CADPS: variants seen among roughly 807,000 people sequenced by gnomAD.
CADPS encodes the protein calcium-dependent secretion activator 1.
In CADPS, 57 loss-of-function variants were observed where a neutral mutation model predicts 167.3. That is an observed-to-expected ratio of 0.34 (90% CI 0.28 to 0.42). CADPS has a LOEUF of 0.42. Among genes scored for constraint, CADPS ranks in the 20% least tolerant of loss-of-function variants. The pLI is 1.00. For missense variants in CADPS, 1,414 were observed against 1,738.1 expected, an observed-to-expected ratio of 0.81 and a Z score of 3.32; for synonymous variants, 676 against 635.3, an observed-to-expected ratio of 1.06 and a Z score of -0.96.
intron 28 of CADPS, among the ~76,000 whole-genome samples, chr3:62,426,992 G>A (rs370060111): frequency 8.6e-5 from 13 of 151,226 alleles, no homozygotes; most frequent in African/African-American, 2.2e-4. Context: ...GGAGAATGGC[G>A]TGAACACAGG....
intron 3 of CADPS, among the ~76,000 whole-genome samples, chr3:62,733,902 C>T (rs1455256118): frequency 6.6e-6 from 1 of 152,132 alleles, no homozygotes; most frequent in East Asian, 1.9e-4. Flanking sequence ...CCTTTGCATC[C>T]TCACAGCTTA....
At chr3:62,865,829 A>G (rs987439) in intron 1 of CADPS, among the ~76,000 whole-genome samples, 3,506 of 152,230 alleles carry the variant, frequency 0.023, 73 homozygotes, top group South Asian at 0.074. Flanking sequence ...GGCAGCTTAC[A>G]ATAAAATAAC....
intron 7 of CADPS, among the ~76,000 whole-genome samples, chr3:62,589,002 G>C (rs12489471): frequency 0.68 from 104,057 of 152,004 alleles, 36,461 homozygotes; most frequent in East Asian, 0.95. Flanking sequence ...GGGATACGAG[G>C]GTGAGATAGA....
chr3:62,778,840 G>C (rs1238178832), intron 1 of CADPS, among the ~76,000 whole-genome samples: 2 of 152,074 alleles, frequency 1.3e-5, no homozygotes, highest in African/African-American at 4.8e-5. Flanking sequence ...TCTTTAGTAT[G>C]AGTTAAATAT....
intron 1 of CADPS, among the ~76,000 whole-genome samples, chr3:62,805,426 G>T (rs73102732): frequency 2.6e-5 from 4 of 152,052 alleles, no homozygotes; most frequent in African/African-American, 9.7e-5. Context: ...AAGCACTAAG[G>T]GATTGGTCTG....
At chr3:62,629,757 G>GTTTTTTTTGT (rs2064896011) in intron 6 of CADPS, among the ~76,000 whole-genome samples, 2 of 145,758 alleles carry the variant, frequency 1.4e-5, no homozygotes, top group South Asian at 4.4e-4. Flanking sequence ...CTCTGGTACA[G>GTTTTTTTTGT]TTTTTTTTTT....
chr3:62,458,557 C>G lies in CADPS; in HGVS notation c.3636+6810G>C, dbSNP rs2058970497. 6.6e-6 allele frequency among the ~76,000 whole-genome samples: 1 copy of G among 152,080 alleles called. No individual in the cohort carries two copies. The highest frequency in any genetic ancestry group is 2.4e-5 in the African/African-American group (1 of 41,402). ...AGGCTGGAGTGAAGTGGCACGATTT[C>G]AGCTCACTACAACCTCCGCCTCCCG... is the stretch of plus-strand genomic sequence containing the variant. On this transcript the variant is annotated intron_variant, in intron 26 of 29. Coordinates refer to ENST00000383710, the MANE Select transcript of CADPS (RefSeq NM_003716.4). The surrounding 1 kb of genome is among the most constrained non-coding windows in gnomAD (Gnocchi z 4.6).
In CADPS at chr3:62,731,011, C is replaced by T. The variant is rs149649967; in HGVS notation, c.888+22430G>A. Among the ~76,000 whole-genome samples, 312 of 152,308 alleles carry T rather than the reference C, an allele frequency of 2.0e-3. 1 individual carries two copies. Among genetic ancestry groups the T allele is most frequent in the African/African-American group, 7.2e-3 (300 of 41,572 alleles). ...CAAGGTGACATGATTAGAGATATAA[C>T]TATGACCAGAAACAAGACATGCTCA... On this transcript the variant is annotated intron_variant, in intron 3 of 29. Coordinates refer to ENST00000383710, the MANE Select transcript of CADPS (RefSeq NM_003716.4).
At chr3:62,780,226 G>A (rs1303926023) in intron 1 of CADPS, among the ~76,000 whole-genome samples, 1 of 151,982 alleles carries the variant, frequency 6.6e-6, no homozygotes, top group African/African-American at 2.4e-5. Context: ...ATACAGCCTG[G>A]GCAACATAGC....
chr3:62,770,081 A>G (rs955365424), intron 1 of CADPS, among the ~76,000 whole-genome samples: 5 of 152,162 alleles, frequency 3.3e-5, no homozygotes, highest in African/African-American at 1.2e-4. Context: ...GGTCTCCAGC[A>G]CACTGGTGTC....
chr3:62,804,641 C>T (rs568531382), intron 1 of CADPS, among the ~76,000 whole-genome samples: 6 of 152,082 alleles, frequency 3.9e-5, no homozygotes, highest in Admixed American at 6.6e-5. Context: ...CGATTTGAAA[C>T]ACCCCGAGAA....
At position 62,754,000 on chromosome 3, in the gene CADPS, A is replaced by G. The variant is rs1408503256; in HGVS notation, c.556-227T>C. 1.3e-5 allele frequency among the ~76,000 whole-genome samples: 2 copies of G among 152,106 alleles called. No individual in the cohort carries two copies. The highest frequency in any genetic ancestry group is 2.9e-5 in the Non-Finnish European group (2 of 68,022). On this transcript the variant is annotated intron_variant, in intron 2 of 29. Transcript: ENST00000383710. This position sits in a 1 kb window ranked among gnomAD's most constrained non-coding sequence, Gnocchi z 4.6. ...GATGAGAATAACAATTGTACTTACCAGGTTGGTGCAAGGATTAAATGAGAT... is the reference window on the plus strand; with the variant it reads ...GATGAGAATAACAATTGTACTTACCGGGTTGGTGCAAGGATTAAATGAGAT...
chr3:62,846,421 C>T (rs1216402398), intron 1 of CADPS, among the ~76,000 whole-genome samples: 1 of 152,086 alleles, frequency 6.6e-6, no homozygotes, highest in African/African-American at 2.4e-5. Flanking sequence ...CCTATTCGTT[C>T]TTTAGGGCTT....
chr3:62,621,322 G>A (rs972250556), intron 6 of CADPS, among the ~76,000 whole-genome samples: 2 of 151,994 alleles, frequency 1.3e-5, no homozygotes, highest in Non-Finnish European at 1.5e-5. Context: ...GTTGAGTTGC[G>A]TGTGTCCCTG....
chr3:62,644,692 C>G (rs1245688382), intron 6 of CADPS, among the ~76,000 whole-genome samples: 1 of 152,116 alleles, frequency 6.6e-6, no homozygotes, highest in South Asian at 2.1e-4. Context: ...AACCACAGGA[C>G]CTTTGCACAA....
chr3:62,428,458 A>G (rs546626512), intron 28 of CADPS, among the ~76,000 whole-genome samples: 99 of 151,974 alleles, frequency 6.5e-4, no homozygotes, highest in African/African-American at 2.4e-3. Flanking sequence ...AAGTGGGACT[A>G]CTCTGGATAC....
intron 7 of CADPS, among the ~76,000 whole-genome samples, chr3:62,589,157 G>A (rs1013883566): frequency 6.6e-6 from 1 of 152,072 alleles, no homozygotes; most frequent in Non-Finnish European, 1.5e-5. Context: ...TAAATGTAAC[G>A]CCAGGATTCT....
intron 26 of CADPS, among the ~76,000 whole-genome samples, chr3:62,448,280 G>C (rs976906410): frequency 6.6e-6 from 1 of 152,156 alleles, no homozygotes; most frequent in African/African-American, 2.4e-5. Context: ...TAGGGGTTTT[G>C]TTACAGCTGA....
intron 3 of CADPS, among the ~76,000 whole-genome samples, chr3:62,740,701 C>T (rs576093332): frequency 1.3e-5 from 2 of 152,280 alleles, no homozygotes; most frequent in South Asian, 4.1e-4. Context: ...TGCCATGCCC[C>T]CTACTACCCC....
Sources: gnomAD v4.1 joint callset for allele counts (sites outside exome capture counted in the v4.1 genomes callset) on GRCh38, gnomAD v4.1.1 for gene constraint, Gnocchi (gnomAD v3.1) non-coding constraint, MANE v1.5 for transcripts, NCBI Gene and HGNC (gene_info 2026-07-23, HGNC 2026-07-21) for gene names.